Variants in CCNH observed in about 807,000 individuals in gnomAD.
The protein encoded by CCNH is cyclin H, also known as cyclin-H.
In CCNH, 31 loss-of-function variants were observed where a neutral mutation model predicts 41.9. The observed-to-expected ratio is 0.74, with a 90% CI of 0.56 to 1.00. CCNH has a LOEUF of 1.00. Ranked by LOEUF, CCNH falls within the 50% of genes least tolerant of loss-of-function variation. The pLI is 0.00. For missense variants in CCNH, 362 were observed against 388.4 expected (o/e 0.93, Z 0.57); for synonymous variants, 138 against 136.1 (o/e 1.01, Z -0.10).
chr5:87,359,023 A>C (rs1759872433), intron 9 of CCNH, among the ~76,000 whole-genome samples: 1 of 152,186 alleles, frequency 6.6e-6, no homozygotes, highest in Non-Finnish European at 1.5e-5. Flanking sequence ...TCTAACATGT[A>C]GTACAATTTA....
At chr5:87,317,175 G>A (rs1488699107), downstream of CCNH, among the ~76,000 whole-genome samples, 5 of 152,102 alleles carry the variant, frequency 3.3e-5, no homozygotes, top group African/African-American at 7.2e-5. Flanking sequence ...GAGCCACTGC[G>A]CCTGGCGGAT....
chr5:87,388,994 C>G (rs1762265417), downstream of CCNH, among the ~76,000 whole-genome samples: 2 of 152,036 alleles, frequency 1.3e-5, no homozygotes, highest in Non-Finnish European at 1.5e-5. Context: ...AAAATGGAAT[C>G]TGGCTTTCAT....
rs992038947 is a variant in CCNH, at chr5:87,327,037, C to T, written c.*91-8140G>A. On this transcript the variant is annotated intron_variant and NMD_transcript_variant, in intron 9 of 9. Transcript: ENST00000645953. The stretch of plus-strand genomic sequence containing the variant: ...AGAAGTTTATTAATCAGTCCCATAT[C>T]CTTTGAGTATCCTCTACTCCCCTGT... Among the ~76,000 whole-genome samples, 7 of 152,130 alleles carry T rather than the reference C, an allele frequency of 4.6e-5. No homozygotes were observed. In the South Asian group the frequency reaches 1.0e-3, roughly 23 times the overall value.
downstream of CCNH, chr5:87,374,439 T>A: frequency 4.0e-6 from 2 of 502,452 alleles, no homozygotes; most frequent in Non-Finnish European, 3.2e-6. Flanking sequence ...GGTGTTCTAA[T>A]AGCATATATA....
downstream of CCNH, chr5:87,393,625 T>TAA (rs1762683312): frequency 6.6e-6 from 1 of 152,194 alleles, no homozygotes; most frequent in Admixed American, 6.5e-5. Context: ...AAATTCCTAG[T>TAA]AACTGTTATA....
At chr5:87,389,314 A>G, downstream of CCNH, 1 of 1,564,070 alleles carries the variant, frequency 6.4e-7, no homozygotes, top group Non-Finnish European at 8.8e-7. Flanking sequence ...CTGGGCAACA[A>G]GAGCGAAACT....
At chr5:87,387,485 G>A (rs1439802710), downstream of CCNH, among the ~76,000 whole-genome samples, 1 of 152,100 alleles carries the variant, frequency 6.6e-6, no homozygotes, top group Non-Finnish European at 1.5e-5. Flanking sequence ...AAATTTTCAT[G>A]ATTGAACAGA....
exon 1 of CCNH, chr5:87,376,942 G>A (rs1761368507): frequency 6.2e-7 from 1 of 1,610,856 alleles, no homozygotes; most frequent in Non-Finnish European, 8.5e-7. Context: ...GGACAAGACC[G>A]AACACTACTG....
chr5:87,404,236 A>G (rs2112568093), intron 5 of CCNH, among the ~76,000 whole-genome samples: 1 of 152,328 alleles, frequency 6.6e-6, no homozygotes, highest in East Asian at 1.9e-4. Flanking sequence ...TATTAAGTGA[A>G]ATAAAAACTA....
At chr5:87,379,534 A>C (rs558276633), upstream of CCNH, among the ~76,000 whole-genome samples, 45 of 152,336 alleles carry the variant, frequency 3.0e-4, no homozygotes, top group African/African-American at 1.0e-3. Flanking sequence ...GCTAATTGGG[A>C]ATAAATGGTA....
chr5:87,364,333 T>C (rs1760343361), intron 9 of CCNH, among the ~76,000 whole-genome samples: 3 of 152,134 alleles, frequency 2.0e-5, no homozygotes, highest in Admixed American at 1.3e-4. Context: ...GGAGATCACA[T>C]TAGTGTTACT....
At chr5:87,322,375 G>T (rs886830710) in intron 9 of CCNH, among the ~76,000 whole-genome samples, 1 of 152,172 alleles carries the variant, frequency 6.6e-6, no homozygotes, top group African/African-American at 2.4e-5. Context: ...TATAGGTTGT[G>T]TGCTCCTTAT....
intron 7 of CCNH, 139 bp from the exon 8 acceptor site, chr5:87,395,243 G>C (rs1280189315): frequency 5.1e-6 from 3 of 588,250 alleles, no homozygotes; most frequent in Non-Finnish European, 8.7e-6. Flanking sequence ...AAGATAAACA[G>C]CTATGGGGTA....
chr5:87,356,358 C>G (rs1382319031), intron 9 of CCNH, among the ~76,000 whole-genome samples: 1 of 152,048 alleles, frequency 6.6e-6, no homozygotes, highest in Non-Finnish European at 1.5e-5. Flanking sequence ...AAGATTATGA[C>G]TCACTGACGT....
At chr5:87,311,695 G>A in the CCNH span, among the ~76,000 whole-genome samples, 240 of 152,272 alleles carry the variant, frequency 1.6e-3, 1 homozygote, top group Middle Eastern at 6.8e-3. Context: ...GAGTCTTGGT[G>A]TCCAGGGATC....
At chr5:87,345,639 C>T (rs1001121838) in intron 9 of CCNH, among the ~76,000 whole-genome samples, 1 of 152,120 alleles carries the variant, frequency 6.6e-6, no homozygotes, top group African/African-American at 2.4e-5. Context: ...TTTACCTTTT[C>T]ATTCATGTGA....
chr5:87,372,549 A>G (rs1761024914), downstream of CCNH, among the ~76,000 whole-genome samples: 1 of 152,178 alleles, frequency 6.6e-6, no homozygotes, highest in Non-Finnish European at 1.5e-5. Flanking sequence ...ACTAATCCCA[A>G]TAAACTTTTT....
At chr5:87,363,230 T>C in intron 9 of CCNH, 1 of 954,144 alleles carries the variant, frequency 1.0e-6, no homozygotes, top group Admixed American at 2.3e-5. Flanking sequence ...AATTGGCATA[T>C]TACATAAGCT....
intron 3 of CCNH, chr5:87,409,030 G>C (rs990522288): frequency 3.9e-5 from 10 of 258,012 alleles, no homozygotes; most frequent in African/African-American, 2.0e-4. Flanking sequence ...AGATGTTAGA[G>C]AAGTAGCTAA....
Sources: gnomAD v4.1 joint callset for allele counts (sites outside exome capture counted in the v4.1 genomes callset) on GRCh38, gnomAD v4.1.1 for gene constraint, MANE v1.5 for transcripts, NCBI Gene and HGNC (gene_info 2026-07-23, HGNC 2026-07-21) for gene names.